Variants in RBFOX1 observed in about 807,000 individuals in gnomAD.
The protein encoded by RBFOX1 is RNA binding fox-1 homolog 1, also known as RNA binding protein fox-1 homolog 1.
A neutral mutation model predicts 57.7 loss-of-function variants in RBFOX1; 8 were observed. The observed-to-expected ratio is 0.14, with a 90% CI of 0.08 to 0.25. The LOEUF is 0.25. RBFOX1 is among the 10% of genes least tolerant of loss of function. The probability of loss-of-function intolerance (pLI) is 1.00; values close to 1 mark genes in which losing one functional copy is unlikely to be tolerated. For synonymous variants in RBFOX1, 326 were observed against 222.4 expected (o/e 1.47, Z -4.15); for missense variants, 611 against 548.5 (o/e 1.11, Z -1.14).
intron 4 of RBFOX1, among the ~76,000 whole-genome samples, chr16:7,411,738 T>C (rs1266407013): frequency 1.3e-5 from 2 of 151,970 alleles, no homozygotes; most frequent in African/African-American, 2.4e-5. Flanking sequence ...ACCCCGTCTC[T>C]ATTAAAATGC....
chr16:6,916,105 G>C (rs182909277), intron 3 of RBFOX1, among the ~76,000 whole-genome samples: 1 of 152,098 alleles, frequency 6.6e-6, no homozygotes, highest in African/African-American at 2.4e-5. Context: ...GGGCATAAGC[G>C]CTGTGTACAA....
chr16:5,993,403 G>GAC (rs1567231558), intron 4 of RBFOX1, among the ~76,000 whole-genome samples: 67 of 145,032 alleles, frequency 4.6e-4, no homozygotes, highest in South Asian at 3.5e-3. Flanking sequence ...GAGAGACAGA[G>GAC]AGAGAGAGAG....
At chr16:7,373,955 C>G (rs1051868659) in intron 4 of RBFOX1, among the ~76,000 whole-genome samples, 6 of 152,306 alleles carry the variant, frequency 3.9e-5, no homozygotes, top group Admixed American at 6.5e-5. Flanking sequence ...AACTGTATCA[C>G]TTTTGAAGCT....
chr16:7,567,593 C>CTATATATATA (rs762421914), intron 5 of RBFOX1, among the ~76,000 whole-genome samples: 2 of 92,890 alleles, frequency 2.2e-5, no homozygotes, highest in African/African-American at 7.8e-5. Flanking sequence ...ATATATGGCC[C>CTATATATATA]TATATATATA....
intron 3 of RBFOX1, among the ~76,000 whole-genome samples, chr16:6,779,191 T>G (rs989842476): frequency 3.3e-5 from 5 of 152,080 alleles, no homozygotes; most frequent in Admixed American, 1.3e-4. Flanking sequence ...TCCTTGCATT[T>G]GGTAAACATT....
intron 2 of RBFOX1, among the ~76,000 whole-genome samples, chr16:6,566,391 T>A (rs1227879064): frequency 6.6e-6 from 1 of 152,168 alleles, no homozygotes; most frequent in Non-Finnish European, 1.5e-5. Context: ...ATGTAACTTT[T>A]AGGAATTTTG....
chr16:7,602,033 G>C lies in RBFOX1; in HGVS notation c.622+4602G>C, dbSNP rs569924851. ...TGTCTTTAGAAAGCATTGACAGGCA[G>C]TTTTTGTAATTCCTGTAGCGTACAT... On this transcript the variant is annotated intron_variant, in intron 9 of 15. Coordinates refer to ENST00000550418, the MANE Select transcript of RBFOX1 (RefSeq NM_018723.4). Among the ~76,000 whole-genome samples the C allele has an allele frequency of 5.3e-5, 8 of 152,276 alleles. No individual in the cohort carries two copies. In the South Asian group the frequency reaches 1.7e-3, roughly 32 times the overall value.
intron 5 of RBFOX1, chr16:7,519,635 C>G (rs2077097138): frequency 3.2e-6 from 3 of 937,064 alleles, no homozygotes; most frequent in Non-Finnish European, 3.8e-6. Context: ...ATGGAACATG[C>G]ATTTGGGAAC....
At chr16:6,767,394 C>G (rs1262310428) in intron 3 of RBFOX1, among the ~76,000 whole-genome samples, 1 of 152,200 alleles carries the variant, frequency 6.6e-6, no homozygotes, top group East Asian at 1.9e-4. Flanking sequence ...GACCACAGGG[C>G]TAGGACTGAG....
At chr16:6,222,417 C>T (rs1406091144) in intron 1 of RBFOX1, among the ~76,000 whole-genome samples, 2 of 151,926 alleles carry the variant, frequency 1.3e-5, no homozygotes, top group Admixed American at 6.6e-5. Flanking sequence ...GTTTTCCCTT[C>T]CCTCCTTCTG....
At chr16:7,707,866 C>A (rs762288020) in intron 14 of RBFOX1, among the ~76,000 whole-genome samples, 3 of 152,192 alleles carry the variant, frequency 2.0e-5, no homozygotes, top group Non-Finnish European at 4.4e-5. Context: ...CTCTTGAGGA[C>A]ACCCCATTCG....
intron 3 of RBFOX1, among the ~76,000 whole-genome samples, chr16:5,826,196 G>C (rs900181797): frequency 6.7e-6 from 1 of 148,430 alleles, no homozygotes; most frequent in African/African-American, 2.5e-5. Context: ...ATTTCTTATA[G>C]TAATATTCCT....
At chr16:6,060,567 T>G (rs575786426) in intron 1 of RBFOX1, among the ~76,000 whole-genome samples, 1 of 152,192 alleles carries the variant, frequency 6.6e-6, no homozygotes, top group Non-Finnish European at 1.5e-5. Context: ...TATACTTTGA[T>G]GCTTGCTTCA....
chr16:7,064,463 C>G (rs142290842), intron 4 of RBFOX1, among the ~76,000 whole-genome samples: 1 of 152,116 alleles, frequency 6.6e-6, no homozygotes, highest in African/African-American at 2.4e-5. Flanking sequence ...GCCACCATGC[C>G]TGGCTGGGTG....
chr16:6,244,896 T>C (rs895707604), intron 1 of RBFOX1, among the ~76,000 whole-genome samples: 13 of 152,140 alleles, frequency 8.5e-5, no homozygotes, highest in African/African-American at 3.1e-4. Context: ...CACATTCTGG[T>C]GTCCTTTGGC....
At chr16:6,941,301 T>TG in intron 3 of RBFOX1, among the ~76,000 whole-genome samples, 1 of 20,538 alleles carries the variant, frequency 4.9e-5, no homozygotes, top group African/African-American at 1.5e-4. Context: ...CCTCCCTCCC[T>TG]CCTTCCTTCC....
At chr16:6,093,538 T>C (rs2152537527) in intron 1 of RBFOX1, among the ~76,000 whole-genome samples, 1 of 152,340 alleles carries the variant, frequency 6.6e-6, no homozygotes, top group South Asian at 2.1e-4. Context: ...CATGCAACTT[T>C]AATCTTGTCT....
chr16:6,966,384 G>A (rs879604378), intron 3 of RBFOX1, among the ~76,000 whole-genome samples: 7 of 152,134 alleles, frequency 4.6e-5, no homozygotes, highest in Non-Finnish European at 1.0e-4. Context: ...GTCATGGCAG[G>A]ACAGCCAGGA....
chr16:5,536,100 C>CGT (rs1555459290), intron 2 of RBFOX1, among the ~76,000 whole-genome samples: 1 of 12,974 alleles, frequency 7.7e-5, no homozygotes, highest in Non-Finnish European at 1.6e-4. Flanking sequence ...ATCAAGCCCC[C>CGT]CCCCCCTTTT....
Sources: gnomAD v4.1 joint callset for allele counts (sites outside exome capture counted in the v4.1 genomes callset) on GRCh38, gnomAD v4.1.1 for gene constraint, MANE v1.5 for transcripts, NCBI Gene and HGNC (gene_info 2026-07-23, HGNC 2026-07-21) for gene names.